Variants in TNIK observed in about 807,000 individuals in gnomAD.
TNIK encodes TRAF2 and NCK interacting kinase.
A neutral mutation model predicts 191.3 loss-of-function variants in TNIK; 49 were observed. The observed-to-expected ratio is 0.26, with a 90% CI of 0.20 to 0.32. The LOEUF (loss-of-function observed/expected upper bound fraction) is 0.32, where lower values mean the gene tolerates loss of function less well. Among genes scored for constraint, TNIK ranks in the 10% least tolerant of loss-of-function variants. The pLI, the probability that TNIK is intolerant of heterozygous loss-of-function variation, is 1.00. For missense variants in TNIK, 1,155 were observed against 1,702.3 expected, an observed-to-expected ratio of 0.68 and a Z score of 5.66; for synonymous variants, 594 against 600.9, an observed-to-expected ratio of 0.99 and a Z score of 0.17.
chr3:171,431,280 A>T (rs1023471066), intron 1 of TNIK, among the ~76,000 whole-genome samples: 3 of 152,164 alleles, frequency 2.0e-5, no homozygotes, highest in African/African-American at 7.2e-5. Flanking sequence ...TGTCTATTGC[A>T]AACAGAATAC....
chr3:171,382,218 CT>C (rs63626462), intron 1 of TNIK, among the ~76,000 whole-genome samples: 29,988 of 97,298 alleles, frequency 0.31, 2,016 homozygotes, highest in Middle Eastern at 0.46. Context: ...TTGAATACAT[CT>C]TTTTTTTTTT....
chr3:171,136,143 C>CACA (rs1729949512), intron 15 of TNIK, among the ~76,000 whole-genome samples: 1 of 152,286 alleles, frequency 6.6e-6, no homozygotes, highest in South Asian at 2.1e-4. Context: ...GAATGGTTTG[C>CACA]ACAACATAAT....
chr3:171,153,746 C>A (rs1732781083), intron 12 of TNIK, among the ~76,000 whole-genome samples: 1 of 152,210 alleles, frequency 6.6e-6, no homozygotes, highest in South Asian at 2.1e-4. Flanking sequence ...CTACAAAGCC[C>A]TGCATGACTG....
At chr3:171,091,571 C>T (rs1722060641) in intron 23 of TNIK, among the ~76,000 whole-genome samples, 1 of 151,982 alleles carries the variant, frequency 6.6e-6, no homozygotes, top group African/African-American at 2.4e-5. Flanking sequence ...AGTGAAACCC[C>T]ATCTCTACTA....
In TNIK at chr3:171,089,650, C is replaced by A. The variant is rs79460905; in HGVS notation, c.2722-2144G>T. ...AGTCATCACCCTTTTGTTCACTCCA[C>A]CAGCACCTTCTTATTAAACACTTTC... On this transcript the variant is annotated intron_variant, in intron 23 of 32. Coordinates refer to ENST00000436636, the MANE Select transcript of TNIK (RefSeq NM_015028.4). 3.4e-3 allele frequency among the ~76,000 whole-genome samples: 523 copies of A among 152,308 alleles called. 1 individual carries two copies. The highest frequency in any genetic ancestry group is 6.2e-3 in the Non-Finnish European group (421 of 68,030).
intron 1 of TNIK, among the ~76,000 whole-genome samples, chr3:171,378,748 T>C (rs1717613475): frequency 6.6e-6 from 1 of 152,198 alleles, no homozygotes; most frequent in Admixed American, 6.5e-5. Context: ...AAAATATCTC[T>C]ACCCATTTTA....
At chr3:171,104,797 C>T (rs191355646) in intron 21 of TNIK, among the ~76,000 whole-genome samples, 1 of 152,066 alleles carries the variant, frequency 6.6e-6, no homozygotes, top group African/African-American at 2.4e-5. Context: ...ATATCCTCAT[C>T]TGAGGGAAAA....
intron 2 of TNIK, among the ~76,000 whole-genome samples, chr3:171,287,111 C>A (rs1222784258): frequency 6.6e-6 from 1 of 152,116 alleles, no homozygotes; most frequent in Non-Finnish European, 1.5e-5. Context: ...TCCCTACAGT[C>A]CTCAGGGCAA....
chr3:171,076,498 C>G (rs569354386), intron 28 of TNIK, among the ~76,000 whole-genome samples: 38 of 152,302 alleles, frequency 2.5e-4, no homozygotes, highest in African/African-American at 9.1e-4. Context: ...TTTTCTGAGA[C>G]CACATCATGG....
At chr3:171,387,096 A>T (rs1718828746) in intron 1 of TNIK, among the ~76,000 whole-genome samples, 1 of 152,208 alleles carries the variant, frequency 6.6e-6, no homozygotes, top group Non-Finnish European at 1.5e-5. Flanking sequence ...TGCACTTTTC[A>T]GTACATATTT....
chr3:171,337,238 AAAAC>A (rs1757043610), intron 2 of TNIK, among the ~76,000 whole-genome samples: 1 of 152,224 alleles, frequency 6.6e-6, no homozygotes, highest in Non-Finnish European at 1.5e-5. Context: ...CCTATGAAGA[AAAAC>A]AAAGACACGA....
chr3:171,294,916 C>A (rs909982420), intron 2 of TNIK, among the ~76,000 whole-genome samples: 2 of 151,608 alleles, frequency 1.3e-5, no homozygotes, highest in African/African-American at 4.8e-5. Context: ...TGGTAGTTAT[C>A]CATGTGTTCA....
intron 1 of TNIK, among the ~76,000 whole-genome samples, chr3:171,448,831 C>T (rs1255645305): frequency 6.6e-6 from 1 of 152,098 alleles, no homozygotes; most frequent in Admixed American, 6.6e-5. Context: ...TATACATGTG[C>T]CATGGTGGTT....
chr3:171,286,064 A>G (rs1750976399), intron 2 of TNIK, among the ~76,000 whole-genome samples: 1 of 152,168 alleles, frequency 6.6e-6, no homozygotes, highest in Non-Finnish European at 1.5e-5. Context: ...ATACTATTCC[A>G]TATTTCCTGG....
intron 2 of TNIK, among the ~76,000 whole-genome samples, chr3:171,241,784 T>C (rs1041941262): frequency 6.6e-6 from 1 of 151,794 alleles, no homozygotes; most frequent in Non-Finnish European, 1.5e-5. Flanking sequence ...CCATCGATGA[T>C]AGACTGGATT....
In TNIK at chr3:171,190,699, A is replaced by G. The variant is rs1210779936; in HGVS notation, c.506T>C (p.Leu169Pro). 6.3e-7 allele frequency: 1 copy of G among 1,585,810 alleles called. No homozygotes were observed. Among genetic ancestry groups the G allele is most frequent in the South Asian group, 1.2e-5 (1 of 86,772 alleles). The part of the protein sequence containing the change: ...VLLTENAEVK[L>P]VDFGVSAQLD... ...GGCTCACAGGATTCTGCTCTTACCT[A>G]GTTTAACTTCTGCATTTTCAGTCAG... The change falls in exon 6 of 33, where the codon CTA (leucine) becomes CCA (proline). Residue 169 changes from leucine (L) to proline (P), a missense_variant and splice_region_variant. Leu to Pro is a moderately conservative substitution (Grantham distance 98). Around this residue, in one of 3 missense-constraint regions of TNIK, gnomAD observed 225 missense variants for 438.9 expected, o/e 0.51. Transcript: ENST00000436636.
intron 5 of TNIK, among the ~76,000 whole-genome samples, chr3:171,194,132 T>G (rs549990230): frequency 4.6e-5 from 7 of 152,354 alleles, no homozygotes; most frequent in African/African-American, 1.2e-4. Context: ...AATTGTGAAC[T>G]TTCACAAACA....
At chr3:171,114,078 T>TTTTA (rs1726315853) in intron 18 of TNIK, among the ~76,000 whole-genome samples, 1 of 152,104 alleles carries the variant, frequency 6.6e-6, no homozygotes, top group Non-Finnish European at 1.5e-5. Flanking sequence ...ATAGGCTTTT[T>TTTTA]TTTATTTTAT....
At chr3:171,318,283 T>C (rs947785372) in intron 2 of TNIK, among the ~76,000 whole-genome samples, 1 of 152,176 alleles carries the variant, frequency 6.6e-6, no homozygotes, top group Non-Finnish European at 1.5e-5. Context: ...ATTTAATGCC[T>C]GATCAAAACA....
Sources: gnomAD v4.1 joint callset for allele counts (sites outside exome capture counted in the v4.1 genomes callset) on GRCh38, gnomAD v4.1.1 for gene constraint, gnomAD v4.1.1 regional missense constraint, MANE v1.5 for transcripts, NCBI Gene and HGNC (gene_info 2026-07-23, HGNC 2026-07-21) for gene names.